SERPINI1: variants seen among roughly 807,000 people sequenced by gnomAD.
SERPINI1 encodes the protein serpin family I member 1, also known as neuroserpin.
Under a neutral mutation model 41.1 loss-of-function variants are expected in SERPINI1, and 19 were observed. That is an observed-to-expected ratio of 0.46 (90% CI 0.32 to 0.68). The LOEUF (loss-of-function observed/expected upper bound fraction) is 0.68. Among genes scored for constraint, SERPINI1 ranks in the 30% least tolerant of loss-of-function variants. SERPINI1 has a pLI of 0.03. For missense variants in SERPINI1, 460 were observed against 479.2 expected, an observed-to-expected ratio of 0.96 and a Z score of 0.37; for synonymous variants, 138 against 156.6, an observed-to-expected ratio of 0.88 and a Z score of 0.89.
rs144167036 is a variant in SERPINI1, at chr3:167,783,075, G to A, written c.-18-6036G>A. Among the ~76,000 whole-genome samples the A allele has an allele frequency of 5.6e-3, 858 of 152,282 alleles. 8 individuals carry two copies. Among genetic ancestry groups the A allele is most frequent in the African/African-American group, 0.019 (803 of 41,556 alleles). On this transcript the variant is annotated intron_variant, in intron 1 of 8. Transcript: ENST00000446050. ...CATAGGAATAGCCTGGTCATAAGGA[G>A]TATCAAGACAATTGATCTGGAGGCT...
intron 6 of SERPINI1, among the ~76,000 whole-genome samples, chr3:167,811,706 G>GA (rs1046687080): frequency 5.9e-5 from 9 of 151,896 alleles, no homozygotes; most frequent in East Asian, 1.9e-4. Context: ...TTAAAAATTA[G>GA]AAAAAACTTT....
intron 1 of SERPINI1, among the ~76,000 whole-genome samples, chr3:167,744,621 A>G (rs1449711642): frequency 7.2e-6 from 1 of 138,594 alleles, no homozygotes; most frequent in African/African-American, 2.7e-5. Flanking sequence ...ATATAACTAT[A>G]TTTAAATATT....
At chr3:167,770,464 G>A (rs1415382863) in intron 1 of SERPINI1, among the ~76,000 whole-genome samples, 2 of 151,932 alleles carry the variant, frequency 1.3e-5, no homozygotes, top group African/African-American at 2.4e-5. Flanking sequence ...TTTAATTATT[G>A]TAGCTTTTTA....
intron 1 of SERPINI1, among the ~76,000 whole-genome samples, chr3:167,768,839 T>C (rs1560000909): frequency 6.6e-6 from 1 of 152,188 alleles, no homozygotes; most frequent in Admixed American, 6.5e-5. Flanking sequence ...ATAGGAAATA[T>C]GCTTATGGTA....
At chr3:167,742,638 T>C (rs1577395125) in intron 1 of SERPINI1, among the ~76,000 whole-genome samples, 1 of 152,174 alleles carries the variant, frequency 6.6e-6, no homozygotes, top group African/African-American at 2.4e-5. Flanking sequence ...ATGGCTGCCC[T>C]AGCTTTAATG....
intron 6 of SERPINI1, among the ~76,000 whole-genome samples, chr3:167,810,187 G>T (rs1345014083): frequency 6.6e-6 from 1 of 151,964 alleles, no homozygotes; most frequent in Non-Finnish European, 1.5e-5. Flanking sequence ...CATATGCTCT[G>T]CTTTGTAAGG....
At chr3:167,800,258 A>G (rs894217474) in intron 5 of SERPINI1, 1 of 146,330 alleles carries the variant, frequency 6.8e-6, no homozygotes, top group African/African-American at 2.5e-5. Context: ...TTTGTTTCAT[A>G]TATAAAATAT....
intron 1 of SERPINI1, among the ~76,000 whole-genome samples, chr3:167,786,647 G>A (rs951633403): frequency 5.3e-5 from 8 of 151,960 alleles, no homozygotes; most frequent in African/African-American, 1.7e-4. Flanking sequence ...GTGATGCCTA[G>A]AACATTACTG....
chr3:167,772,866 A>C (rs367973252), intron 1 of SERPINI1, among the ~76,000 whole-genome samples: 5,808 of 27,146 alleles, frequency 0.21, 282 homozygotes, highest in Non-Finnish European at 0.26. Context: ...CTCTCTCTCT[A>C]TATATATATA....
At chr3:167,766,705 G>T (rs940300273) in intron 1 of SERPINI1, among the ~76,000 whole-genome samples, 4 of 152,206 alleles carry the variant, frequency 2.6e-5, no homozygotes, top group African/African-American at 9.6e-5. Context: ...CAGGCCTATT[G>T]CTGATATGGA....
intron 6 of SERPINI1, among the ~76,000 whole-genome samples, chr3:167,814,855 G>T (rs1367352701): frequency 2.6e-5 from 4 of 152,144 alleles, no homozygotes; most frequent in Non-Finnish European, 5.9e-5. Flanking sequence ...GCCTCATGCT[G>T]CCTGGAGGAA....
At chr3:167,767,051 T>C (rs1726588951) in intron 1 of SERPINI1, among the ~76,000 whole-genome samples, 1 of 152,252 alleles carries the variant, frequency 6.6e-6, no homozygotes, top group Admixed American at 6.5e-5. Context: ...TGTAAGACAG[T>C]GCCATCTAGG....
At chr3:167,776,543 T>C (rs1224961730) in intron 1 of SERPINI1, among the ~76,000 whole-genome samples, 4 of 152,168 alleles carry the variant, frequency 2.6e-5, no homozygotes, top group Non-Finnish European at 4.4e-5. Context: ...TAAGGACACA[T>C]GTTTTGTGGG....
In SERPINI1 at chr3:167,779,889, A is replaced by T. The variant is rs1727068091; in HGVS notation, c.-18-9222A>T. Among the ~76,000 whole-genome samples, 3 of 152,144 alleles carry T rather than the reference A, an allele frequency of 2.0e-5. No homozygotes were observed. The South Asian group carries it at 6.2e-4, about 32-fold the overall frequency. On this transcript the variant is annotated intron_variant, in intron 1 of 8. Coordinates refer to ENST00000446050, the MANE Select transcript of SERPINI1 (RefSeq NM_001122752.2). Reference sequence around the variant, plus strand: ...CACAGTGAGCTGGGTAACTAGAGGGAGAGGCAAAAGAAAGAGAAAAAGGAG... The same window carrying T: ...CACAGTGAGCTGGGTAACTAGAGGGTGAGGCAAAAGAAAGAGAAAAAGGAG...
chr3:167,758,649 G>A (rs1726271160), intron 1 of SERPINI1, among the ~76,000 whole-genome samples: 1 of 152,142 alleles, frequency 6.6e-6, no homozygotes, highest in Admixed American at 6.5e-5. Context: ...GATTGGAGGA[G>A]ACTAAGGACA....
intron 1 of SERPINI1, among the ~76,000 whole-genome samples, chr3:167,742,073 A>G (rs1340921020): frequency 3.3e-5 from 5 of 151,998 alleles, no homozygotes; most frequent in African/African-American, 7.3e-5. Flanking sequence ...CTTAAAATTT[A>G]AAAAATAAAT....
chr3:167,787,939 G>A (rs899363935), intron 1 of SERPINI1, among the ~76,000 whole-genome samples: 3 of 152,176 alleles, frequency 2.0e-5, no homozygotes, highest in Admixed American at 6.5e-5. Flanking sequence ...TCAGTTAAAT[G>A]TGTATGTACT....
chr3:167,774,268 A>C (rs1386424381), intron 1 of SERPINI1, among the ~76,000 whole-genome samples: 2 of 152,184 alleles, frequency 1.3e-5, no homozygotes, highest in Non-Finnish European at 2.9e-5. Flanking sequence ...TAAAAATGAC[A>C]ATTTCATGAG....
At chr3:167,791,997 C>A (rs1727534526) in intron 3 of SERPINI1, among the ~76,000 whole-genome samples, 1 of 152,060 alleles carries the variant, frequency 6.6e-6, no homozygotes, top group South Asian at 2.1e-4. Context: ...TGGTGGCACA[C>A]ACCTGTAATC....
Sources: gnomAD v4.1 joint callset for allele counts (sites outside exome capture counted in the v4.1 genomes callset) on GRCh38, gnomAD v4.1.1 for gene constraint, MANE v1.5 for transcripts, NCBI Gene and HGNC (gene_info 2026-07-23, HGNC 2026-07-21) for gene names.